The following BPNT2 variants were observed in gnomAD, a reference collection of about 807,000 sequenced individuals.
BPNT2 encodes Golgi-resident adenosine 3',5'-bisphosphate 3'-phosphatase.
A neutral mutation model predicts 29.3 loss-of-function variants in BPNT2; 11 were observed. The ratio of observed to expected loss-of-function variants is 0.38; its 90% CI spans 0.24 to 0.62. The LOEUF (loss-of-function observed/expected upper bound fraction) is 0.62. Ranked by LOEUF, BPNT2 falls within the 20% of genes least tolerant of loss-of-function variation. The probability of loss-of-function intolerance (pLI) is 0.62; values close to 1 mark genes in which losing one functional copy is unlikely to be tolerated. For missense variants in BPNT2, 459 were observed against 473.4 expected, an observed-to-expected ratio of 0.97 and a Z score of 0.28; for synonymous variants, 195 against 187.7, an observed-to-expected ratio of 1.04 and a Z score of -0.32.
chr8:56,968,602 G>T (rs1400787008), intron 3 of BPNT2, among the ~76,000 whole-genome samples: 2 of 152,162 alleles, frequency 1.3e-5, no homozygotes, highest in African/African-American at 4.8e-5. Context: ...GAGCCCAAGA[G>T]TTAAAGGCTG....
chr8:56,967,429 G>A (rs1805969890), intron 3 of BPNT2, among the ~76,000 whole-genome samples: 1 of 152,122 alleles, frequency 6.6e-6, no homozygotes, highest in Non-Finnish European at 1.5e-5. Flanking sequence ...AAGTAGGGAG[G>A]TAAACACTGA....
intron 1 of BPNT2, among the ~76,000 whole-genome samples, chr8:56,991,614 G>A (rs749064653): frequency 4.2e-4 from 64 of 152,126 alleles, no homozygotes; most frequent in Non-Finnish European, 9.1e-4. Flanking sequence ...GGAGTGTCAC[G>A]AGCCTCAGAT....
At chr8:56,989,781 T>G (rs930031176) in intron 1 of BPNT2, among the ~76,000 whole-genome samples, 4 of 152,184 alleles carry the variant, frequency 2.6e-5, no homozygotes, top group Non-Finnish European at 5.9e-5. Context: ...TCCTTTGAGC[T>G]TGGAATATGA....
Position 56,959,114 on chromosome 8 carries a change from C to A in BPNT2, c.*4679G>T, listed in dbSNP as rs1474394522. On this transcript the variant is annotated 3_prime_UTR_variant, in exon 5 of 5. Transcript: ENST00000262644. ...ACACAGTTTATGCTTTTTCAATTTC[C>A]ACAAATTGTTAATTATGATACTTAA... 2 of 152,048 alleles carry A rather than the reference C, an allele frequency of 1.3e-5. No individual in the cohort carries two copies. The highest frequency in any genetic ancestry group is 4.8e-5 in the African/African-American group (2 of 41,384). The allele number at this position is 152,048 out of a possible 1,614,324, so 9.4% of individuals were successfully genotyped here.
Position 56,966,227 on chromosome 8 carries a change from C to CA in BPNT2, c.771dup (p.Gly258TrpfsTer15). The CA allele has an allele frequency of 6.2e-7, 1 of 1,614,116 alleles. No homozygotes were observed. Among genetic ancestry groups the CA allele is most frequent in the Non-Finnish European group, 8.5e-7 (1 of 1,180,022 alleles). ...GCTGGGATAATTGTAGTCTGGTTTC[C>CA]AAAAGTCTGAAGAGCGACCTGTTTG... On this transcript the variant is annotated frameshift_variant, in exon 4 of 5. Coordinates refer to ENST00000262644, the MANE Select transcript of BPNT2 (RefSeq NM_017813.5). LOFTEE classifies it high-confidence loss of function.
intron 3 of BPNT2, among the ~76,000 whole-genome samples, chr8:56,972,346 T>G (rs1334829538): frequency 4.6e-5 from 7 of 151,562 alleles, no homozygotes; most frequent in Admixed American, 2.0e-4. Context: ...AAAGTTGAAT[T>G]GCTTGATATA....
intron 1 of BPNT2, among the ~76,000 whole-genome samples, chr8:56,981,332 C>T (rs1048730624): frequency 5.3e-5 from 8 of 152,142 alleles, no homozygotes; most frequent in African/African-American, 1.9e-4. Flanking sequence ...TTCGGGAGGC[C>T]GAGGCGGCTG....
chr8:56,993,790 GACTC>G lies in BPNT2; in HGVS notation c.-209_-206del. ...ACCACCAACGCCGCCCCGCGCGCCT[GACTC>G]GCCAGGCAGCGCGCTCTAGGTTCTT... On this transcript the variant is annotated 5_prime_UTR_variant, in exon 1 of 5. Transcript: ENST00000262644. The G allele has an allele frequency of 1.6e-6, 1 of 612,672 alleles. No homozygotes were observed. The highest frequency in any genetic ancestry group is 2.1e-6 in the Non-Finnish European group (1 of 486,778). The allele number at this position is 612,672 out of a possible 1,614,324, so 38.0% of individuals were successfully genotyped here. A position where few individuals can be genotyped will look rare whatever the true frequency, so the allele number is the denominator to read the frequency against.
intron 1 of BPNT2, among the ~76,000 whole-genome samples, chr8:56,983,302 T>C (rs529393210): frequency 1.3e-4 from 20 of 152,308 alleles, no homozygotes; most frequent in South Asian, 1.0e-3. Context: ...AAGGTGGTAT[T>C]TGACTGAAGA....
At chr8:56,975,244 A>T (rs1585560853) in intron 3 of BPNT2, among the ~76,000 whole-genome samples, 1 of 152,168 alleles carries the variant, frequency 6.6e-6, no homozygotes, top group Admixed American at 6.6e-5. Flanking sequence ...AAAAGAGAGG[A>T]GTCAGATCCT....
chr8:56,968,675 A>G (rs1805986932), intron 3 of BPNT2, among the ~76,000 whole-genome samples: 1 of 152,224 alleles, frequency 6.6e-6, no homozygotes, highest in Non-Finnish European at 1.5e-5. Flanking sequence ...CTTGTCTCTA[A>G]CAAAATAAAA....
intron 1 of BPNT2, among the ~76,000 whole-genome samples, chr8:56,985,100 A>G (rs4738558): frequency 0.21 from 31,877 of 151,566 alleles, 3,740 homozygotes; most frequent in East Asian, 0.45. Flanking sequence ...ACACTCTCCC[A>G]GCATGACCCT....
At chr8:56,983,012 T>G (rs377206316) in intron 1 of BPNT2, among the ~76,000 whole-genome samples, 3 of 152,190 alleles carry the variant, frequency 2.0e-5, no homozygotes, top group African/African-American at 7.2e-5. Flanking sequence ...ATTCCATTAA[T>G]GTAAAATGTC....
intron 1 of BPNT2, among the ~76,000 whole-genome samples, chr8:56,990,565 G>A (rs1806401552): frequency 1.3e-5 from 2 of 152,098 alleles, no homozygotes. Flanking sequence ...AGTTTTGTTA[G>A]GATAGCACTC....
chr8:56,959,491 T>C lies in BPNT2; in HGVS notation c.*4302A>G, dbSNP rs1462792231. On this transcript the variant is annotated 3_prime_UTR_variant, in exon 5 of 5. Transcript: ENST00000262644. Reference sequence around the variant, plus strand: ...GGAACTGTTCTGGTTTGTAATGTCATACACAGTATTTTTTAACATTAATAA... The same window carrying C: ...GGAACTGTTCTGGTTTGTAATGTCACACACAGTATTTTTTAACATTAATAA... 1.3e-5 allele frequency: 2 copies of C among 152,216 alleles called. No homozygotes were observed. Among genetic ancestry groups the C allele is most frequent in the African/African-American group, 4.8e-5 (2 of 41,456 alleles). The allele number at this position is 152,216 out of a possible 1,614,324, so 9.4% of individuals were successfully genotyped here.
chr8:56,993,185 C>T lies in BPNT2; in HGVS notation c.387+14G>A, dbSNP rs372392210. On this transcript the variant is annotated intron_variant, in intron 1 of 4. Transcript: ENST00000262644. Reference sequence around the variant, plus strand: ...TACCCGGCTCGAGTGGGCGCTCCGCCCGTGGGCTCCCACCTGGACGCTGGG... The same window carrying T: ...TACCCGGCTCGAGTGGGCGCTCCGCTCGTGGGCTCCCACCTGGACGCTGGG... The T allele has an allele frequency of 6.3e-7, 1 of 1,592,110 alleles. No individual in the cohort carries two copies. Among genetic ancestry groups the T allele is most frequent in the African/African-American group, 1.3e-5 (1 of 74,730 alleles).
intron 1 of BPNT2, among the ~76,000 whole-genome samples, chr8:56,988,640 A>C (rs1033083583): frequency 1.3e-5 from 2 of 152,166 alleles, no homozygotes; most frequent in African/African-American, 2.4e-5. Context: ...TTCTGTCCAC[A>C]ACCAGTTTCA....
chr8:56,961,446 A>G lies in BPNT2; in HGVS notation c.*2347T>C, dbSNP rs1805831737. The G allele has an allele frequency of 6.6e-6, 1 of 152,244 alleles. No homozygotes were observed. Among genetic ancestry groups the G allele is most frequent in the Admixed American group, 6.5e-5 (1 of 15,286 alleles). 9.4% of individuals were successfully genotyped at this position (152,244 alleles called of 1,614,324 possible). A position where few individuals can be genotyped will look rare whatever the true frequency, so the allele number is the denominator to read the frequency against. On this transcript the variant is annotated 3_prime_UTR_variant, in exon 5 of 5. Transcript: ENST00000262644. ...ATAAAAGTACTTAAAAAAAATCATT[A>G]GTAACTAGACTATACCCAACATATT... is the stretch of plus-strand genomic sequence containing the variant.
chr8:56,987,994 C>T lies in BPNT2; in HGVS notation c.387+5205G>A, dbSNP rs535403377. Among the ~76,000 whole-genome samples the T allele has an allele frequency of 4.6e-5, 7 of 152,184 alleles. No homozygotes were observed. In the East Asian group the frequency reaches 9.7e-4, roughly 21 times the overall value. Reference sequence around the variant, plus strand: ...CCACCCGCCTCGGCCTCCCAAAGTACTGGGATTACAGGCATGAGCCACCAC... The same window carrying T: ...CCACCCGCCTCGGCCTCCCAAAGTATTGGGATTACAGGCATGAGCCACCAC... On this transcript the variant is annotated intron_variant, in intron 1 of 4. Coordinates refer to ENST00000262644, the MANE Select transcript of BPNT2 (RefSeq NM_017813.5).
Sources: gnomAD v4.1 joint callset for allele counts (sites outside exome capture counted in the v4.1 genomes callset) on GRCh38, gnomAD v4.1.1 for gene constraint, MANE v1.5 for transcripts, NCBI Gene and HGNC (gene_info 2026-07-23, HGNC 2026-07-21) for gene names.